Variants in OPHN1 observed in about 807,000 individuals in gnomAD.
OPHN1 encodes oligophrenin-1.
A neutral mutation model predicts 60.7 loss-of-function variants in OPHN1; 11 were observed. The observed-to-expected ratio is 0.18, with a 90% CI of 0.11 to 0.30. The LOEUF (loss-of-function observed/expected upper bound fraction) is 0.30. OPHN1 is among the 10% of genes least tolerant of loss of function. The probability of loss-of-function intolerance (pLI) is 1.00; values close to 1 mark genes in which losing one functional copy is unlikely to be tolerated. For missense variants in OPHN1, 449 were observed against 611.0 expected, an observed-to-expected ratio of 0.73 and a Z score of 2.80; for synonymous variants, 226 against 222.6, an observed-to-expected ratio of 1.02 and a Z score of -0.14.
chrX:68,158,467 C>G (rs1460118338), intron 15 of OPHN1, among the ~76,000 whole-genome samples: 1 of 112,419 alleles, frequency 8.9e-6, no homozygotes, highest in Non-Finnish European at 1.9e-5. Context: ...GATACATGTG[C>G]AATGGCAACA....
chrX:68,092,236 T>C (rs2077021295), intron 19 of OPHN1, among the ~76,000 whole-genome samples: 1 of 111,565 alleles, frequency 9.0e-6, no homozygotes, highest in Non-Finnish European at 1.9e-5. Context: ...CCCCATTAAC[T>C]GAACAACTTG....
At chrX:68,179,438 T>A (rs994786823) in intron 15 of OPHN1, among the ~76,000 whole-genome samples, 2 of 112,175 alleles carry the variant, frequency 1.8e-5, no homozygotes, top group African/African-American at 6.5e-5. Context: ...TGAAAAAGAT[T>A]CTCTCCTTGA....
At chrX:68,058,783 GT>G (rs1446919171) in intron 21 of OPHN1, among the ~76,000 whole-genome samples, 1 of 111,612 alleles carries the variant, frequency 9.0e-6, no homozygotes, top group Non-Finnish European at 1.9e-5. Flanking sequence ...TGGTGGTATT[GT>G]CCCCACTTAC....
chrX:68,132,984 C>T (rs1440025926), intron 15 of OPHN1: 2 of 464,869 alleles, frequency 4.3e-6, no homozygotes, highest in African/African-American at 2.4e-5. Flanking sequence ...GGCCTCAGGC[C>T]CCCGGACGCC....
chrX:68,397,494 T>C (rs1267888086), intron 2 of OPHN1, among the ~76,000 whole-genome samples: 2 of 96,737 alleles, frequency 2.1e-5, no homozygotes, highest in Non-Finnish European at 4.1e-5. Context: ...TTATGTTAGG[T>C]TGACACTTTT....
chrX:68,398,116 CTTATA>C (rs1390868841), intron 2 of OPHN1, among the ~76,000 whole-genome samples: 2 of 111,543 alleles, frequency 1.8e-5, no homozygotes, highest in African/African-American at 6.5e-5. Flanking sequence ...TGTCTTTGAT[CTTATA>C]TTGTCCCTTG....
intron 9 of OPHN1, among the ~76,000 whole-genome samples, chrX:68,209,302 A>G (rs189590666): frequency 2.1e-3 from 237 of 112,533 alleles, no homozygotes; most frequent in African/African-American, 7.3e-3. Flanking sequence ...TTAGTCACCA[A>G]TGAAAAACAG....
chrX:68,172,823 G>C (rs12836444), intron 15 of OPHN1, among the ~76,000 whole-genome samples: 3 of 109,733 alleles, frequency 2.7e-5, no homozygotes, highest in African/African-American at 6.7e-5. Flanking sequence ...ATGCTGTCTC[G>C]GTATCCGTTC....
intron 5 of OPHN1, among the ~76,000 whole-genome samples, chrX:68,237,277 G>A (rs2077757697): frequency 8.9e-6 from 1 of 112,550 alleles, no homozygotes; most frequent in Non-Finnish European, 1.9e-5. Flanking sequence ...GAGCCACAAC[G>A]CCCGGCCTGT....
chrX:68,107,643 A>G (rs780181681), intron 18 of OPHN1, among the ~76,000 whole-genome samples: 1 of 110,559 alleles, frequency 9.0e-6, no homozygotes, highest in Admixed American at 9.7e-5. Flanking sequence ...TGCTCAGCTA[A>G]TTTTTGTGTT....
intron 5 of OPHN1, among the ~76,000 whole-genome samples, chrX:68,268,839 A>G (rs1289520444): frequency 1.8e-5 from 2 of 111,680 alleles, no homozygotes; most frequent in South Asian, 3.7e-4. Flanking sequence ...TACCTAAAAA[A>G]CCGCACTGTC....
intron 2 of OPHN1, among the ~76,000 whole-genome samples, chrX:68,369,525 C>T (rs1412348692): frequency 9.0e-6 from 1 of 111,161 alleles, no homozygotes; most frequent in Non-Finnish European, 1.9e-5. Flanking sequence ...TGAGGAAGTC[C>T]AGACATCAGA....
chrX:68,121,496 G>T (rs759634337), intron 15 of OPHN1, among the ~76,000 whole-genome samples: 1 of 111,638 alleles, frequency 9.0e-6, no homozygotes, highest in Non-Finnish European at 1.9e-5. Flanking sequence ...CACACAGGGA[G>T]CATTTAAACC....
chrX:68,125,682 A>C (rs1569219180), intron 15 of OPHN1, among the ~76,000 whole-genome samples: 2 of 108,677 alleles, frequency 1.8e-5, no homozygotes, highest in African/African-American at 6.7e-5. Context: ...GATCAAAGGC[A>C]TAATAAAAAG....
chrX:68,228,572 T>G (rs779306915), intron 6 of OPHN1, among the ~76,000 whole-genome samples: 1 of 111,806 alleles, frequency 8.9e-6, no homozygotes. Context: ...CACGATCAAG[T>G]TGGCTTCATC....
At position 68,166,448 on chromosome X, in the gene OPHN1, C is replaced by T. The variant is rs185143149; in HGVS notation, c.1276+26471G>A. ...ACTCGGGAGGCTGAGGCAGAAGAAT[C>T]GCTTGAACCTGGGAGGCAGAGGTTG... On this transcript the variant is annotated intron_variant, in intron 15 of 24. Transcript: ENST00000355520. Among the ~76,000 whole-genome samples the T allele has an allele frequency of 3.2e-3, 354 of 111,372 alleles. 1 individual carries two copies. The highest frequency in any genetic ancestry group is 0.01 in the African/African-American group (321 of 30,657).
intron 2 of OPHN1, among the ~76,000 whole-genome samples, chrX:68,380,125 C>T (rs374723066): frequency 1.4e-4 from 16 of 111,081 alleles, no homozygotes; most frequent in African/African-American, 4.9e-4. Context: ...CTGGTCTATT[C>T]GGAGATTCAA....
At chrX:68,114,303 G>A (rs904052208) in intron 16 of OPHN1, among the ~76,000 whole-genome samples, 6 of 111,262 alleles carry the variant, frequency 5.4e-5, no homozygotes, top group Non-Finnish European at 7.5e-5. Flanking sequence ...CCAGTTCATC[G>A]ATGAGGAAAC....
At chrX:68,312,094 T>C (rs1228831423) in intron 2 of OPHN1, among the ~76,000 whole-genome samples, 1 of 98,064 alleles carries the variant, frequency 1.0e-5, no homozygotes, top group African/African-American at 3.9e-5. Context: ...CATGAAATTA[T>C]ATTCTATTTT....
Sources: allele counts gnomAD v4.1 joint callset (sites outside exome capture counted in the v4.1 genomes callset), GRCh38; gene constraint gnomAD v4.1.1; transcripts MANE v1.5; gene names NCBI Gene and HGNC (gene_info 2026-07-23, HGNC 2026-07-21).